Variants in MTBP observed in about 807,000 individuals in gnomAD.
MTBP encodes the protein mdm2-binding protein.
A neutral mutation model predicts 117.0 loss-of-function variants in MTBP; 101 were observed. That is an observed-to-expected ratio of 0.86 (90% CI 0.73 to 1.02). The LOEUF (loss-of-function observed/expected upper bound fraction) is 1.02. Ranked by LOEUF, MTBP falls within the 50% of genes least tolerant of loss-of-function variation. The probability of loss-of-function intolerance (pLI) is 0.00; values close to 1 mark genes in which losing one functional copy is unlikely to be tolerated. For synonymous variants in MTBP, 350 were observed against 351.5 expected (o/e 1.00, Z 0.05); for missense variants, 970 against 1,030.9 (o/e 0.94, Z 0.81).
intron 6 of MTBP, among the ~76,000 whole-genome samples, chr8:120,456,146 G>T (rs550770571): frequency 5.5e-4 from 83 of 152,238 alleles, no homozygotes; most frequent in Non-Finnish European, 9.7e-4. Flanking sequence ...AAACAGGAAT[G>T]CTAACAGTCA....
At chr8:120,514,192 AC>A (rs1462251617) in intron 17 of MTBP, among the ~76,000 whole-genome samples, 2 of 151,924 alleles carry the variant, frequency 1.3e-5, no homozygotes, top group Admixed American at 1.3e-4. Context: ...CCATCATCTC[AC>A]ATAGTTACCT....
chr8:120,457,285 T>C (rs1813488893), intron 7 of MTBP, among the ~76,000 whole-genome samples: 1 of 152,196 alleles, frequency 6.6e-6, no homozygotes, highest in Non-Finnish European at 1.5e-5. Flanking sequence ...AGAATGTTTG[T>C]GGGTTTTGTA....
At chr8:120,519,486 A>G (rs1327103578) in intron 20 of MTBP, among the ~76,000 whole-genome samples, 2 of 152,136 alleles carry the variant, frequency 1.3e-5, no homozygotes, top group Admixed American at 6.6e-5. Context: ...ATGGTTTTCT[A>G]AAACTTAGAC....
At chr8:120,488,966 A>AT (rs143057153) in intron 12 of MTBP, among the ~76,000 whole-genome samples, 9,219 of 149,746 alleles carry the variant, frequency 0.062, 577 homozygotes, top group African/African-American at 0.16. Flanking sequence ...ATGAGGTCTG[A>AT]TTTTCTCTTC....
At chr8:120,508,732 C>G (rs978282920) in intron 16 of MTBP, among the ~76,000 whole-genome samples, 1 of 152,124 alleles carries the variant, frequency 6.6e-6, no homozygotes, top group African/African-American at 2.4e-5. Flanking sequence ...CATACCATTT[C>G]CAACTCTTCT....
At chr8:120,466,275 G>A (rs950616383) in intron 10 of MTBP, among the ~76,000 whole-genome samples, 18 of 143,626 alleles carry the variant, frequency 1.3e-4, no homozygotes, top group Non-Finnish European at 1.3e-4. Context: ...GCAATGGTGT[G>A]ATCTTGGCTC....
In MTBP at chr8:120,490,477, T is replaced by A; in HGVS notation, c.1354T>A (p.Leu452Ile). 1 of 1,602,444 alleles carries A rather than the reference T, an allele frequency of 6.2e-7. No homozygotes were observed. The highest frequency in any genetic ancestry group is 8.5e-7 in the Non-Finnish European group (1 of 1,175,212). ...EEAKLSFPFD[L>I]LSLPHFSGEQ... ...TTATTTCTCAGGTTTTCCTTTTGAC[T>A]TATTATCACTTCCACATTTTTCTGG... The change falls in exon 13 of 22, where the codon TTA (leucine) becomes ATA (isoleucine). Residue 452 changes from leucine to isoleucine, a missense_variant. Physicochemically the swap from Leu to Ile is conservative, Grantham distance 5. Transcript: ENST00000305949.
At chr8:120,473,912 A>T (rs1207809146) in intron 11 of MTBP, 1 of 152,060 alleles carries the variant, frequency 6.6e-6, no homozygotes, top group Non-Finnish European at 1.5e-5. Flanking sequence ...CATAATATTA[A>T]CATCTCCTTA....
intron 5 of MTBP, among the ~76,000 whole-genome samples, chr8:120,455,151 G>T (rs1481845944): frequency 6.6e-6 from 1 of 151,710 alleles, no homozygotes; most frequent in African/African-American, 2.4e-5. Flanking sequence ...TGCAGAATTG[G>T]CAAGTAATTA....
At chr8:120,453,782 C>T in intron 4 of MTBP, 65 bp from the exon 5 acceptor site, 1 of 697,282 alleles carries the variant, frequency 1.4e-6, no homozygotes, top group Non-Finnish European at 2.3e-6. Flanking sequence ...TTAATATTAC[C>T]TATTATGATT....
intron 11 of MTBP, among the ~76,000 whole-genome samples, chr8:120,480,965 G>C (rs1006504892): frequency 6.6e-6 from 1 of 152,088 alleles, no homozygotes; most frequent in Non-Finnish European, 1.5e-5. Context: ...GATAATATTT[G>C]AAAAATTCTC....
intron 5 of MTBP, among the ~76,000 whole-genome samples, 157 bp from the exon 6 acceptor site, chr8:120,455,278 T>C (rs1398881415): frequency 1.3e-5 from 2 of 152,034 alleles, no homozygotes; most frequent in Non-Finnish European, 2.9e-5. Context: ...TTTTGGAGAA[T>C]TTCAGAAATT....
Position 120,517,944 on chromosome 8 carries a change from A to G in MTBP, c.2340A>G (p.Gln780=). 2 of 1,612,758 alleles carry G rather than the reference A, an allele frequency of 1.2e-6. No homozygotes were observed. Among genetic ancestry groups the G allele is most frequent in the Non-Finnish European group, 1.7e-6 (2 of 1,179,050 alleles). ...ATCATGTGACATCCAGAAAGCCACA[A>G]ACAGAACGGTCCTTACCAGTGACTT... ...YHHHVTSRKP[Q]TERSLPVTCP... The change falls in exon 19 of 22, where the codon CAA becomes CAG. Residue 780 remains glutamine (Q), a synonymous_variant. Transcript: ENST00000305949.
intron 13 of MTBP, among the ~76,000 whole-genome samples, chr8:120,491,568 A>T (rs1814348161): frequency 6.6e-6 from 1 of 152,220 alleles, no homozygotes; most frequent in Non-Finnish European, 1.5e-5. Context: ...CAACAAATAC[A>T]TAAATACATA....
Position 120,490,374 on chromosome 8 carries a change from C to A in MTBP, c.1340-89C>A, listed in dbSNP as rs558555934. On this transcript the variant is annotated intron_variant, in intron 12 of 21. Coordinates refer to ENST00000305949, the MANE Select transcript of MTBP (RefSeq NM_022045.5). ...ATTGACTTTTATTTTTTGTTAAATC[C>A]TTGCTATAACACATTTCCCAGGAAC... is the stretch of plus-strand genomic sequence containing the variant. 42 of 743,856 alleles carry A rather than the reference C, an allele frequency of 5.6e-5. No individual in the cohort carries two copies. The Admixed American group carries it at 9.8e-4, about 17-fold the overall frequency. 46.1% of individuals were successfully genotyped at this position (743,856 alleles called of 1,614,324 possible).
intron 9 of MTBP, among the ~76,000 whole-genome samples, chr8:120,461,730 TA>T (rs1389876444): frequency 6.6e-6 from 1 of 152,170 alleles, no homozygotes; most frequent in Non-Finnish European, 1.5e-5. Flanking sequence ...ACTTTACTAT[TA>T]TTTTTTATAG....
intron 13 of MTBP, among the ~76,000 whole-genome samples, chr8:120,495,636 A>G (rs1365582359): frequency 6.6e-6 from 1 of 151,338 alleles, no homozygotes; most frequent in Non-Finnish European, 1.5e-5. Flanking sequence ...CTAGTTTCAT[A>G]TTACTATGTT....
At chr8:120,511,924 C>T (rs1323174907) in intron 17 of MTBP, among the ~76,000 whole-genome samples, 1 of 152,044 alleles carries the variant, frequency 6.6e-6, no homozygotes, top group African/African-American at 2.4e-5. Context: ...ATTGACTCTG[C>T]TATGAAGATT....
At chr8:120,518,650 A>G in intron 19 of MTBP, 54 bp from the exon 20 acceptor site, 1 of 1,198,722 alleles carries the variant, frequency 8.3e-7, no homozygotes, top group Non-Finnish European at 1.2e-6. Context: ...AGCTGAAATA[A>G]TAGGTTTGTG....
Sources: allele counts gnomAD v4.1 joint callset (sites outside exome capture counted in the v4.1 genomes callset), GRCh38; gene constraint gnomAD v4.1.1; transcripts MANE v1.5; gene names NCBI Gene and HGNC (gene_info 2026-07-23, HGNC 2026-07-21).